The following RBX1 variants were observed in gnomAD, a reference collection of about 807,000 sequenced individuals.
RBX1 encodes the protein ring-box 1.
For missense variants in RBX1, 46 were observed against 141.4 expected (o/e 0.33, Z 3.42); for synonymous variants, 48 against 47.9 (o/e 1.00, Z -0.01).
At chr22:40,951,916 A>AC (rs1221147809) in intron 1 of RBX1, among the ~76,000 whole-genome samples, 4 of 151,230 alleles carry the variant, frequency 2.6e-5, no homozygotes, top group Non-Finnish European at 5.9e-5. Context: ...GCCTCTGAGG[A>AC]CCCCCCTTGG....
At chr22:40,951,657 G>T (rs1243571900) in intron 1 of RBX1, among the ~76,000 whole-genome samples, 181 bp downstream of exon 1, 1 of 152,176 alleles carries the variant, frequency 6.6e-6, no homozygotes, top group East Asian at 1.9e-4. Context: ...GCGGCCCACT[G>T]TTGGGGGAAG....
chr22:40,964,580 A>G (rs993161208), intron 3 of RBX1, among the ~76,000 whole-genome samples: 3 of 152,236 alleles, frequency 2.0e-5, no homozygotes, highest in African/African-American at 7.2e-5. Context: ...AACATGGCTT[A>G]TGCCAGAAAT....
chr22:40,956,887 T>C (rs1200202082), intron 2 of RBX1, among the ~76,000 whole-genome samples: 1 of 150,140 alleles, frequency 6.7e-6, no homozygotes, highest in Non-Finnish European at 1.5e-5. Context: ...TACAAAAAAT[T>C]AGCTGGGTGC....
intron 2 of RBX1, among the ~76,000 whole-genome samples, chr22:40,955,298 C>T (rs1346381182): frequency 3.6e-5 from 5 of 139,738 alleles, no homozygotes; most frequent in African/African-American, 8.0e-5. Context: ...GACGGGATCT[C>T]GCTTTGTTGC....
At chr22:40,965,884 C>T (rs2058353171) in intron 3 of RBX1, among the ~76,000 whole-genome samples, 1 of 152,158 alleles carries the variant, frequency 6.6e-6, no homozygotes, top group Admixed American at 6.6e-5. Context: ...CCCTTTCTGG[C>T]ATACAGACAT....
At chr22:40,958,774 T>TTTTGGTTTGG (rs57128854) in intron 2 of RBX1, among the ~76,000 whole-genome samples, 2,667 of 144,794 alleles carry the variant, frequency 0.018, 52 homozygotes, top group East Asian at 0.063. Context: ...TCCATCAGTA[T>TTTTGGTTTGG]TTTGGTTTGG....
chr22:40,955,105 T>C (rs1222436971), intron 2 of RBX1, among the ~76,000 whole-genome samples: 1 of 152,122 alleles, frequency 6.6e-6, no homozygotes, highest in Non-Finnish European at 1.5e-5. Context: ...CATTCTTAAG[T>C]GTCCATGCTC....
rs190484294 is a variant in RBX1, at chr22:40,970,207, T to C, written c.315-2269T>C. Among the ~76,000 whole-genome samples the C allele has an allele frequency of 6.6e-4, 100 of 151,770 alleles. 1 individual carries two copies. The highest frequency in any genetic ancestry group is 2.3e-3 in the African/African-American group (97 of 41,398). On this transcript the variant is annotated intron_variant, in intron 4 of 4. Transcript: ENST00000216225. ...CCCCTCTCTACTAAAAATACAAAAA[T>C]TAGCCAGGCATGGTGGTGCCTATAA... is the stretch of plus-strand genomic sequence containing the variant.
intron 2 of RBX1, among the ~76,000 whole-genome samples, chr22:40,959,773 T>C (rs2058334838): frequency 1.3e-5 from 2 of 151,940 alleles, no homozygotes; most frequent in Non-Finnish European, 2.9e-5. Context: ...ATTGCACCAG[T>C]GCCCTCCGGC....
chr22:40,966,569 C>A (rs552453108), intron 3 of RBX1: 1 of 152,314 alleles, frequency 6.6e-6, no homozygotes, highest in South Asian at 2.1e-4. Context: ...TTCCAAAAGG[C>A]TGTCACTCTA....
chr22:40,953,682 T>G, intron 2 of RBX1, 49 bp downstream of exon 2: 1 of 1,308,702 alleles, frequency 7.6e-7, no homozygotes, highest in Non-Finnish European at 1.1e-6. Flanking sequence ...TTGCAGAGAT[T>G]GTGGCTATCT....
intron 4 of RBX1, among the ~76,000 whole-genome samples, chr22:40,971,652 G>C (rs1309177058): frequency 6.6e-6 from 1 of 152,082 alleles, no homozygotes; most frequent in Admixed American, 6.6e-5. Flanking sequence ...CAACTCCCGG[G>C]TTGAAGCAGT....
chr22:40,953,997 C>A (rs531898798), intron 2 of RBX1, among the ~76,000 whole-genome samples: 1 of 152,074 alleles, frequency 6.6e-6, no homozygotes, highest in Non-Finnish European at 1.5e-5. Context: ...TGAGGCCAAG[C>A]GCAGTGGCTC....
At chr22:40,952,810 G>C (rs974290101) in intron 1 of RBX1, among the ~76,000 whole-genome samples, 1 of 152,136 alleles carries the variant, frequency 6.6e-6, no homozygotes, top group African/African-American at 2.4e-5. Context: ...TAATTATCCA[G>C]CTTATCCCAT....
chr22:40,960,043 G>A lies in RBX1; in HGVS notation c.158-4004G>A, dbSNP rs529053040. Among the ~76,000 whole-genome samples the A allele has an allele frequency of 6.6e-5, 10 of 152,190 alleles. No individual in the cohort carries two copies. In the South Asian group the frequency reaches 1.7e-3, roughly 25 times the overall value. ...TGAGGTGAGAGAATAGCTGGAACCC[G>A]GGAGGTGGAGGTTGCAGTGTGGAGA... On this transcript the variant is annotated intron_variant, in intron 2 of 4. Coordinates refer to ENST00000216225, the MANE Select transcript of RBX1 (RefSeq NM_014248.4).
chr22:40,964,020 G>A (rs761223927), intron 2 of RBX1, 27 bp from the exon 3 acceptor site: 2 of 1,597,462 alleles, frequency 1.3e-6, no homozygotes, highest in African/African-American at 1.3e-5. Flanking sequence ...CCAAGGTCCA[G>A]TGATCCTGTT....
chr22:40,955,299 G>A lies in RBX1; in HGVS notation c.157+1666G>A, dbSNP rs576475872. Among the ~76,000 whole-genome samples, 7 of 135,768 alleles carry A rather than the reference G, an allele frequency of 5.2e-5. No individual in the cohort carries two copies. The South Asian group carries it at 1.1e-3, about 22-fold the overall frequency. The allele number at this position is 135,768 out of a possible 152,430, so 89.1% of individuals were successfully genotyped here. A position where few individuals can be genotyped will look rare whatever the true frequency, so the allele number is the denominator to read the frequency against. On this transcript the variant is annotated intron_variant, in intron 2 of 4. Coordinates refer to ENST00000216225, the MANE Select transcript of RBX1 (RefSeq NM_014248.4). ...TTGTTTTTTTCAGAGACGGGATCTC[G>A]CTTTGTTGCCCAGGCTGGTCTCGAA...
chr22:40,968,554 A>G (rs1292145648), intron 4 of RBX1, among the ~76,000 whole-genome samples: 1 of 152,148 alleles, frequency 6.6e-6, no homozygotes, highest in East Asian at 1.9e-4. Flanking sequence ...GGTTTATTTC[A>G]CAGTGATTAA....
chr22:40,953,182 G>A (rs1449185457), intron 1 of RBX1, among the ~76,000 whole-genome samples: 1 of 151,930 alleles, frequency 6.6e-6, no homozygotes, highest in Non-Finnish European at 1.5e-5. Context: ...GTAAAGATAG[G>A]ATTTTGCCAT....
Sources: allele counts gnomAD v4.1 joint callset (sites outside exome capture counted in the v4.1 genomes callset), GRCh38; gene constraint gnomAD v4.1.1; transcripts MANE v1.5; gene names NCBI Gene and HGNC (gene_info 2026-07-23, HGNC 2026-07-21).